MYOCOS: variants seen among roughly 807,000 people sequenced by gnomAD.
The protein encoded by MYOCOS is myocilin opposite strand.
chr1:171,623,300 C>A (rs1652611930), intron 1 of MYOCOS, among the ~76,000 whole-genome samples: 1 of 152,186 alleles, frequency 6.6e-6, no homozygotes, highest in Admixed American at 6.5e-5. Context: ...ACCCTCCAGT[C>A]TCTATGCCAT....
upstream of MYOCOS, among the ~76,000 whole-genome samples, chr1:171,620,670 AG>A (rs199769099): frequency 1.3e-5 from 2 of 150,698 alleles, no homozygotes; most frequent in Non-Finnish European, 3.0e-5. Flanking sequence ...ATTGTAAAAA[AG>A]AAAAATTTTA....
intron 1 of MYOCOS, among the ~76,000 whole-genome samples, chr1:171,613,625 G>A (rs1344980467): frequency 6.6e-6 from 1 of 151,952 alleles, no homozygotes; most frequent in Non-Finnish European, 1.5e-5. Context: ...ATAGCTTGCT[G>A]CAACCTTGAA....
At chr1:171,607,392 G>A (rs1041805009) in intron 1 of MYOCOS, among the ~76,000 whole-genome samples, 1 of 152,114 alleles carries the variant, frequency 6.6e-6, no homozygotes. Flanking sequence ...TTAGGCCATT[G>A]TTTCTCTCTC....
At chr1:171,608,032 A>C (rs1025740045) in intron 1 of MYOCOS, among the ~76,000 whole-genome samples, 1 of 152,238 alleles carries the variant, frequency 6.6e-6, no homozygotes, top group African/African-American at 2.4e-5. Flanking sequence ...TAAAATCGTC[A>C]GATCTCATGA....
chr1:171,621,379 T>TG (rs1652565869), upstream of MYOCOS, among the ~76,000 whole-genome samples: 1 of 146,398 alleles, frequency 6.8e-6, no homozygotes, highest in Non-Finnish European at 1.5e-5. Flanking sequence ...GGTGGGTTTT[T>TG]TTTTTTTTTT....
intron 1 of MYOCOS, among the ~76,000 whole-genome samples, chr1:171,607,093 C>CAA (rs35353881): frequency 1.7e-3 from 112 of 65,936 alleles, no homozygotes; most frequent in Middle Eastern, 8.2e-3. Context: ...GACTCTGTCT[C>CAA]AAAAAAAAAA....
At chr1:171,605,147 G>A (rs983790930) in intron 1 of MYOCOS, among the ~76,000 whole-genome samples, 5 of 151,656 alleles carry the variant, frequency 3.3e-5, no homozygotes, top group East Asian at 3.9e-4. Flanking sequence ...TTCATGTTAC[G>A]TTTGTGGAGA....
chr1:171,621,679 T>C (rs2102939194), upstream of MYOCOS, among the ~76,000 whole-genome samples: 1 of 152,136 alleles, frequency 6.6e-6, no homozygotes, highest in East Asian at 1.9e-4. Context: ...CTGGCCTCTG[T>C]TGTGGTTTTA....
Position 171,626,489 on chromosome 1 carries a change from A to C in MYOCOS, c.131A>C (p.Lys44Thr). Residue 44 changes from lysine to threonine, a missense_variant, in exon 3 of 3, where the codon AAG becomes ACG. Coordinates refer to ENST00000637642, the MANE Select transcript of MYOCOS (RefSeq NM_001391940.1). ...EIITQKSDEAKEMLSHLDLEQ... is the reference protein window; with the variant it reads ...EIITQKSDEATEMLSHLDLEQ... Reference sequence around the variant, plus strand: ...ATTACCCAGAAAAGTGATGAAGCTAAGGAGATGCTCTCCCACTTGGATTTG... The same window carrying C: ...ATTACCCAGAAAAGTGATGAAGCTACGGAGATGCTCTCCCACTTGGATTTG... 2.5e-6 allele frequency: 1 copy of C among 398,692 alleles called. No individual in the cohort carries two copies. Among genetic ancestry groups the C allele is most frequent in the Non-Finnish European group, 4.4e-6 (1 of 226,090 alleles). 24.7% of individuals were successfully genotyped at this position (398,692 alleles called of 1,614,324 possible).
chr1:171,618,719 G>A (rs1652495832), upstream of MYOCOS, among the ~76,000 whole-genome samples: 1 of 152,152 alleles, frequency 6.6e-6, no homozygotes, highest in South Asian at 2.1e-4. Context: ...GGGATTACAG[G>A]TGTGGGCCAC....
intron 1 of MYOCOS, among the ~76,000 whole-genome samples, chr1:171,623,632 C>G (rs1000790040): frequency 1.3e-5 from 2 of 152,148 alleles, no homozygotes; most frequent in Admixed American, 6.5e-5. Context: ...AAGTACTTTA[C>G]TCTTAGCCGC....
At chr1:171,601,698 T>G (rs1249456065) in intron 1 of MYOCOS, among the ~76,000 whole-genome samples, 1 of 152,060 alleles carries the variant, frequency 6.6e-6, no homozygotes, top group Non-Finnish European at 1.5e-5. Flanking sequence ...ATGACACAAG[T>G]TAACCTGTAA....
chr1:171,623,867 C>A lies in MYOCOS; in HGVS notation c.-17C>A. The A allele has an allele frequency of 2.5e-6, 1 of 398,560 alleles. No individual in the cohort carries two copies. Among genetic ancestry groups the A allele is most frequent in the Admixed American group, 4.4e-5 (1 of 22,722 alleles). The allele number at this position is 398,560 out of a possible 1,614,324, so 24.7% of individuals were successfully genotyped here. On this transcript the variant is annotated 5_prime_UTR_variant, in exon 2 of 3. Coordinates refer to ENST00000637642, the MANE Select transcript of MYOCOS (RefSeq NM_001391940.1). The stretch of plus-strand genomic sequence containing the variant: ...TGCAGTAACTTTAAATTCCTCAAAT[C>A]CCCTGAGTGCAAGGCCATGGCTCAG...
intron 1 of MYOCOS, among the ~76,000 whole-genome samples, chr1:171,606,132 A>G (rs1652238972): frequency 6.6e-6 from 1 of 152,198 alleles, no homozygotes; most frequent in African/African-American, 2.4e-5. Context: ...TTATAATAGG[A>G]GTTATAATAG....
intron 1 of MYOCOS, among the ~76,000 whole-genome samples, chr1:171,612,109 T>C (rs1652365983): frequency 6.6e-6 from 1 of 150,780 alleles, no homozygotes; most frequent in South Asian, 2.1e-4. Context: ...TCTCGTTCTA[T>C]AGCCCAGGCT....
chr1:171,625,295 A>T (rs764914858), intron 2 of MYOCOS, among the ~76,000 whole-genome samples: 6 of 152,160 alleles, frequency 3.9e-5, no homozygotes, highest in Non-Finnish European at 7.3e-5. Context: ...CCTTCCCATC[A>T]TCCCACATCC....
At position 171,626,540 on chromosome 1, in the gene MYOCOS, C is replaced by T. The variant is rs1652707100; in HGVS notation, c.182C>T (p.Thr61Ile). 3 of 398,676 alleles carry T rather than the reference C, an allele frequency of 7.5e-6. No individual in the cohort carries two copies. The highest frequency in any genetic ancestry group is 1.3e-5 in the Non-Finnish European group (3 of 226,062). The allele number at this position is 398,676 out of a possible 1,614,324, so 24.7% of individuals were successfully genotyped here. ...GAGCAAGCCCCTCCCCCTCACAGGA[C>T]CTACCTCACAGTACCTCCTGCCCCA... is the stretch of plus-strand genomic sequence containing the variant. ...DLEQAPPPHR[T>I]YLTVPPAPPP... Residue 61 changes from threonine to isoleucine, a missense_variant, in exon 3 of 3, where the codon ACC becomes ATC. Physicochemically the swap from Thr to Ile is moderately conservative, Grantham distance 89. Transcript: ENST00000637642.
At chr1:171,620,645 T>C (rs1652544325), upstream of MYOCOS, among the ~76,000 whole-genome samples, 1 of 147,334 alleles carries the variant, frequency 6.8e-6, no homozygotes, top group Non-Finnish European at 1.5e-5. Flanking sequence ...CCCAGGTCCT[T>C]AGAAAACTCA....
chr1:171,603,576 A>G (rs886695693), intron 1 of MYOCOS, among the ~76,000 whole-genome samples: 1 of 152,260 alleles, frequency 6.6e-6, no homozygotes, highest in African/African-American at 2.4e-5. Context: ...AAAAATGTAA[A>G]TTAGATAAAC....
Sources: gnomAD v4.1 joint callset for allele counts (sites outside exome capture counted in the v4.1 genomes callset) on GRCh38, gnomAD v4.1.1 for gene constraint, MANE v1.5 for transcripts, NCBI Gene and HGNC (gene_info 2026-07-23, HGNC 2026-07-21) for gene names.